SCAPER: variants seen among roughly 807,000 people sequenced by gnomAD.
The protein encoded by SCAPER is S phase cyclin A-associated protein in the endoplasmic reticulum.
In SCAPER, 98 loss-of-function variants were observed where a neutral mutation model predicts 182.2. That is an observed-to-expected ratio of 0.54 (90% CI 0.46 to 0.64). SCAPER has a LOEUF of 0.64. SCAPER is among the 30% of genes least tolerant of loss of function. The probability of loss-of-function intolerance (pLI) is 0.00; values close to 1 mark genes in which losing one functional copy is unlikely to be tolerated. For missense variants in SCAPER, 1,432 were observed against 1,690.0 expected (o/e 0.85, Z 2.68); for synonymous variants, 605 against 564.6 (o/e 1.07, Z -1.01).
At chr15:76,497,989 CAA>C (rs747096625) in intron 24 of SCAPER, among the ~76,000 whole-genome samples, 35 of 58,318 alleles carry the variant, frequency 6.0e-4, no homozygotes, top group African/African-American at 2.2e-3. Context: ...GACTCCGTCT[CAA>C]AAAAAAAAAA....
intron 23 of SCAPER, among the ~76,000 whole-genome samples, chr15:76,538,007 C>T (rs1369846584): frequency 1.3e-5 from 2 of 151,614 alleles, no homozygotes; most frequent in Non-Finnish European, 2.9e-5. Flanking sequence ...AAATCAAAAC[C>T]ACAATGAGAT....
At chr15:76,893,265 T>C (rs1025295695) in intron 1 of SCAPER, among the ~76,000 whole-genome samples, 8 of 152,290 alleles carry the variant, frequency 5.3e-5, no homozygotes, top group Admixed American at 1.3e-4. Context: ...ACATGGCACA[T>C]GTATACCTGT....
At chr15:76,416,620 T>C (rs2045667923) in intron 26 of SCAPER, among the ~76,000 whole-genome samples, 1 of 152,230 alleles carries the variant, frequency 6.6e-6, no homozygotes, top group Non-Finnish European at 1.5e-5. Context: ...TAGGTCAATC[T>C]GGCAATATGG....
intron 29 of SCAPER, among the ~76,000 whole-genome samples, chr15:76,361,143 A>C (rs1246937847): frequency 6.6e-6 from 1 of 152,120 alleles, no homozygotes; most frequent in Non-Finnish European, 1.5e-5. Context: ...CAACTGTCAA[A>C]TTCACTCCAT....
At chr15:76,737,694 C>T (rs2061344846) in intron 15 of SCAPER, among the ~76,000 whole-genome samples, 1 of 152,240 alleles carries the variant, frequency 6.6e-6, no homozygotes, top group African/African-American at 2.4e-5. Context: ...GTTCTTTCAT[C>T]TGCATTGCAA....
intron 20 of SCAPER, among the ~76,000 whole-genome samples, chr15:76,671,022 C>G (rs2056975098): frequency 6.6e-6 from 1 of 152,052 alleles, no homozygotes; most frequent in Non-Finnish European, 1.5e-5. Flanking sequence ...TGGTATATTT[C>G]TATGAAGAAG....
chr15:76,604,788 A>G (rs1220557073), intron 22 of SCAPER, among the ~76,000 whole-genome samples: 3 of 151,564 alleles, frequency 2.0e-5, no homozygotes, highest in Non-Finnish European at 4.4e-5. Flanking sequence ...CTTTGAAGCA[A>G]TTGTGAATGG....
At chr15:76,548,435 C>T (rs1304778512) in intron 23 of SCAPER, among the ~76,000 whole-genome samples, 1 of 152,104 alleles carries the variant, frequency 6.6e-6, no homozygotes, top group Non-Finnish European at 1.5e-5. Flanking sequence ...GGAAATACCA[C>T]TATGAAAAGG....
intron 5 of SCAPER, among the ~76,000 whole-genome samples, chr15:76,838,875 A>C (rs751999248): frequency 2.6e-5 from 4 of 151,824 alleles, no homozygotes; most frequent in Non-Finnish European, 4.4e-5. Context: ...TTCACAACCA[A>C]CTCTTTCAAC....
intron 22 of SCAPER, among the ~76,000 whole-genome samples, chr15:76,603,907 G>T (rs1347500405): frequency 8.3e-6 from 1 of 120,562 alleles, no homozygotes; most frequent in Non-Finnish European, 2.0e-5. Flanking sequence ...TGAGTTCATT[G>T]TAGATTCTGG....
intron 23 of SCAPER, 122 bp downstream of exon 23, chr15:76,574,036 G>T: frequency 2.2e-6 from 2 of 895,140 alleles, no homozygotes; most frequent in South Asian, 4.7e-5. Context: ...ATCTATTATT[G>T]ACTAGCTTTA....
chr15:76,349,497 C>G (rs1013340610), intron 31 of SCAPER: 5 of 152,030 alleles, frequency 3.3e-5, no homozygotes, highest in African/African-American at 1.2e-4. Context: ...CAAAATTCTT[C>G]CTGGGCAATA....
At chr15:76,540,797 A>G (rs2044673234) in intron 23 of SCAPER, among the ~76,000 whole-genome samples, 1 of 152,068 alleles carries the variant, frequency 6.6e-6, no homozygotes. Context: ...AAATTATAGT[A>G]TCCTTATGAT....
intron 5 of SCAPER, among the ~76,000 whole-genome samples, chr15:76,824,030 C>T (rs1818484876): frequency 6.6e-6 from 1 of 152,050 alleles, no homozygotes; most frequent in South Asian, 2.1e-4. Flanking sequence ...ATGTTTAACT[C>T]AATGTTATCA....
chr15:76,542,877 T>C (rs1277119518), intron 23 of SCAPER, among the ~76,000 whole-genome samples: 1 of 152,166 alleles, frequency 6.6e-6, no homozygotes. Flanking sequence ...AAAGTTTCCA[T>C]GCTTAATATT....
chr15:76,623,484 A>G (rs1187846394), intron 21 of SCAPER, among the ~76,000 whole-genome samples: 1 of 152,278 alleles, frequency 6.6e-6, no homozygotes, highest in East Asian at 1.9e-4. Context: ...TTATCTCAGC[A>G]CCATTTATTA....
intron 23 of SCAPER, among the ~76,000 whole-genome samples, chr15:76,572,530 G>A (rs1001456138): frequency 6.6e-6 from 1 of 152,198 alleles, no homozygotes; most frequent in Non-Finnish European, 1.5e-5. Flanking sequence ...ACTGTCTGAT[G>A]CCAAAATGTA....
At chr15:76,643,865 C>T (rs577912416) in intron 21 of SCAPER, among the ~76,000 whole-genome samples, 60 of 152,234 alleles carry the variant, frequency 3.9e-4, no homozygotes, top group African/African-American at 1.3e-3. Context: ...ATAGATTCCT[C>T]CCCTAAAACC....
intron 10 of SCAPER, among the ~76,000 whole-genome samples, chr15:76,767,492 G>GTAC (rs2063185857): frequency 6.6e-6 from 1 of 152,112 alleles, no homozygotes; most frequent in Non-Finnish European, 1.5e-5. Flanking sequence ...AATATATGCT[G>GTAC]TACTGGTGAT....
Sources: allele counts gnomAD v4.1 joint callset (sites outside exome capture counted in the v4.1 genomes callset), GRCh38; gene constraint gnomAD v4.1.1; transcripts MANE v1.5; gene names NCBI Gene and HGNC (gene_info 2026-07-23, HGNC 2026-07-21).